Variants in KCNG2 observed in about 807,000 individuals in gnomAD.
KCNG2 encodes the protein voltage-gated potassium channel regulatory subunit KCNG2.
Under a neutral mutation model 12.3 loss-of-function variants are expected in KCNG2, and 7 were observed. The ratio of observed to expected loss-of-function variants is 0.57; its 90% confidence interval spans 0.32 to 1.07. The LOEUF is 1.07. Ranked by LOEUF, KCNG2 falls within the 50% of genes least tolerant of loss-of-function variation. The pLI, the probability that KCNG2 is intolerant of heterozygous loss-of-function variation, is 0.04. For missense variants in KCNG2, 703 were observed against 726.0 expected (o/e 0.97, Z 0.36); for synonymous variants, 414 against 351.4 (o/e 1.18, Z -1.99).
chr18:79,855,153 C>T (rs1978966774), intron 1 of KCNG2, among the ~76,000 whole-genome samples: 1 of 152,096 alleles, frequency 6.6e-6, no homozygotes, highest in Non-Finnish European at 1.5e-5. Flanking sequence ...TGTGTGCTGG[C>T]ATGTGCTCAC....
chr18:79,864,208 T>A lies in KCNG2; in HGVS notation c.541T>A (p.Cys181Ser). Residue 181 changes from cysteine (C) to serine (S), a missense_variant, in exon 3 of 4, where the codon TGC (cysteine) becomes AGC (serine). Physicochemically the swap from Cys to Ser is moderately radical, Grantham distance 112. Coordinates refer to ENST00000316249, the MANE Select transcript of KCNG2 (RefSeq NM_012283.2). ...GGGGCTGGCGGGCAAGCTCTTCGCC[T>A]GCGTGTCCGTGTCCTTCGTGGCCGT... ...HSGLAGKLFA[C>S]VSVSFVAVTA... 1 of 1,544,100 alleles carries A rather than the reference T, an allele frequency of 6.5e-7. No individual in the cohort carries two copies. The highest frequency in any genetic ancestry group is 8.7e-7 in the Non-Finnish European group (1 of 1,149,508).
chr18:79,862,301 A>C (rs1979250888), intron 2 of KCNG2, among the ~76,000 whole-genome samples: 1 of 152,208 alleles, frequency 6.6e-6, no homozygotes, highest in Non-Finnish European at 1.5e-5. Flanking sequence ...ACTTTTGTGA[A>C]CTAATTTTGT....
intron 3 of KCNG2, among the ~76,000 whole-genome samples, chr18:79,879,191 T>C (rs1372970869): frequency 6.6e-6 from 1 of 152,180 alleles, no homozygotes; most frequent in Non-Finnish European, 1.5e-5. Context: ...GACCTGTCTT[T>C]GGCAGAATTG....
At chr18:79,837,743 C>G (rs908748844) in intron 1 of KCNG2, among the ~76,000 whole-genome samples, 1 of 152,208 alleles carries the variant, frequency 6.6e-6, no homozygotes, top group Admixed American at 6.5e-5. Context: ...CTAGGATGTT[C>G]CAAACTTCCC....
rs1311358708 is a variant in KCNG2 at position 79,838,308 on chromosome 18, G to A, written c.-114-18071G>A. ...GAAATCATATAAGTGTTCTCAGTGT[G>A]GTTCTCTGAGCATAATGGAATAAAA... On this transcript the variant is annotated intron_variant, in intron 1 of 3. Transcript: ENST00000316249. Among the ~76,000 whole-genome samples the A allele has an allele frequency of 4.6e-5, 7 of 152,130 alleles. No homozygotes were observed. The East Asian group carries it at 9.7e-4, about 21-fold the overall frequency.
chr18:79,833,132 A>G (rs1318581291), intron 1 of KCNG2, among the ~76,000 whole-genome samples: 1 of 152,122 alleles, frequency 6.6e-6, no homozygotes, highest in African/African-American at 2.4e-5. Context: ...CTCTCTTGCT[A>G]CAGGGTTTTT....
At position 79,863,907 on chromosome 18, in the gene KCNG2, C is replaced by T; in HGVS notation, c.240C>T (p.Ala80=). ...ACCGCAGCCCGTGCGCCTTCCGCGC[C>T]ATCGTGGCGCTTTTGCGCGCAGGGA... ...FFDRSPCAFR[A]IVALLRAGKL... Residue 80 remains alanine, a synonymous_variant, in exon 3 of 4, where the codon GCC becomes GCT. Coordinates refer to ENST00000316249, the MANE Select transcript of KCNG2 (RefSeq NM_012283.2). 1 of 1,412,160 alleles carries T rather than the reference C, an allele frequency of 7.1e-7. No individual in the cohort carries two copies. 87.5% of individuals were successfully genotyped at this position (1,412,160 alleles called of 1,614,324 possible).
intron 3 of KCNG2, among the ~76,000 whole-genome samples, chr18:79,873,430 C>CT (rs1252434172): frequency 2.8e-5 from 4 of 143,450 alleles, no homozygotes; most frequent in Admixed American, 2.7e-4. Context: ...CCCCCCTCCC[C>CT]CCCCCCCAGC....
At chr18:79,871,195 T>G (rs1490619411) in intron 3 of KCNG2, among the ~76,000 whole-genome samples, 2 of 152,248 alleles carry the variant, frequency 1.3e-5, no homozygotes, top group Non-Finnish European at 2.9e-5. Flanking sequence ...TCTGTCCACC[T>G]GCACCTGCGT....
chr18:79,835,235 G>T (rs1355050480), intron 1 of KCNG2, among the ~76,000 whole-genome samples: 1 of 152,240 alleles, frequency 6.6e-6, no homozygotes, highest in East Asian at 1.9e-4. Context: ...AACCGCAGCA[G>T]AGCCAGCATC....
intron 3 of KCNG2, among the ~76,000 whole-genome samples, chr18:79,894,405 TTCA>T (rs1273976453): frequency 2.4e-4 from 36 of 149,502 alleles, no homozygotes; most frequent in East Asian, 5.9e-4. Flanking sequence ...GATTGGGTTG[TTCA>T]TGCCATTAAT....
At chr18:79,851,172 C>T (rs900502223) in intron 1 of KCNG2, among the ~76,000 whole-genome samples, 2 of 150,750 alleles carry the variant, frequency 1.3e-5, no homozygotes, top group Non-Finnish European at 3.0e-5. Context: ...ATATACAAGA[C>T]AAAAAAAAAG....
At chr18:79,898,257 G>A (rs1025826749) in intron 3 of KCNG2, among the ~76,000 whole-genome samples, 1 of 152,190 alleles carries the variant, frequency 6.6e-6, no homozygotes, top group South Asian at 2.1e-4. Flanking sequence ...TGGGGGATGG[G>A]GACAGCTGCG....
chr18:79,828,530 C>T (rs1978287983), intron 1 of KCNG2, among the ~76,000 whole-genome samples: 1 of 149,168 alleles, frequency 6.7e-6, no homozygotes, highest in African/African-American at 2.5e-5. Context: ...CGTGTTTATG[C>T]ATGTCTGTGT....
intron 1 of KCNG2, among the ~76,000 whole-genome samples, chr18:79,838,465 C>T (rs1978368353): frequency 6.6e-6 from 1 of 150,816 alleles, no homozygotes; most frequent in Non-Finnish European, 1.5e-5. Context: ...AGGCTGACTG[C>T]AGTGATGCAA....
At chr18:79,806,049 G>A (rs552342577) in intron 1 of KCNG2, among the ~76,000 whole-genome samples, 11 of 152,288 alleles carry the variant, frequency 7.2e-5, no homozygotes, top group African/African-American at 2.4e-4. Context: ...GGAAGGAGGC[G>A]GCTGGGATAG....
chr18:79,899,386 T>G lies in KCNG2; in HGVS notation c.971T>G (p.Leu324Arg). 1 of 1,567,718 alleles carries G rather than the reference T, an allele frequency of 6.4e-7. No homozygotes were observed. Among genetic ancestry groups the G allele is most frequent in the Non-Finnish European group, 8.6e-7 (1 of 1,162,678 alleles). Residue 324 changes from leucine (L) to arginine (R), a missense_variant, in exon 4 of 4, where the codon CTG becomes CGG. Transcript: ENST00000316249. ...CGCCGCTGCGCGCGCGAGTTCGGGC[T>G]GCTGCTGCTGTTCCTCTGCGTGGCC... Reference protein sequence around the residue: ...TMRRCAREFGLLLLFLCVAMA... With the variant: ...TMRRCAREFGRLLLFLCVAMA...
At chr18:79,851,685 G>C (rs1978824753) in intron 1 of KCNG2, among the ~76,000 whole-genome samples, 1 of 150,790 alleles carries the variant, frequency 6.6e-6, no homozygotes, top group African/African-American at 2.5e-5. Context: ...GTGTGAATGT[G>C]TATGCCTGTG....
intron 1 of KCNG2, among the ~76,000 whole-genome samples, chr18:79,821,285 AATT>A (rs2087568151): frequency 9.7e-6 from 1 of 103,310 alleles, no homozygotes; most frequent in Non-Finnish European, 1.8e-5. Flanking sequence ...TTTTTACTTG[AATT>A]TTTTTTTTTT....
Sources: allele counts gnomAD v4.1 joint callset (sites outside exome capture counted in the v4.1 genomes callset), GRCh38; gene constraint gnomAD v4.1.1; transcripts MANE v1.5; gene names NCBI Gene and HGNC (gene_info 2026-07-23, HGNC 2026-07-21).